Variants in CD200R1L observed in about 807,000 individuals in gnomAD.
CD200R1L encodes the protein cell surface glycoprotein CD200 receptor 2.
A neutral mutation model predicts 24.8 loss-of-function variants in CD200R1L; 14 were observed. That is an observed-to-expected ratio of 0.56 (90% CI 0.37 to 0.88). The LOEUF is 0.88. Among genes scored for constraint, CD200R1L ranks in the 40% least tolerant of loss-of-function variants. CD200R1L has a pLI of 0.00. For synonymous variants in CD200R1L, 111 were observed against 109.2 expected (o/e 1.02, Z -0.11); for missense variants, 299 against 297.8 (o/e 1.00, Z -0.03).
chr3:112,832,904 C>T (rs1405107532), intron 3 of CD200R1L, among the ~76,000 whole-genome samples: 1 of 152,170 alleles, frequency 6.6e-6, no homozygotes, highest in Non-Finnish European at 1.5e-5. Flanking sequence ...TTGCAAAGAC[C>T]ATCATATTGG....
chr3:112,831,511 C>T (rs995610425), intron 3 of CD200R1L, among the ~76,000 whole-genome samples: 4 of 152,144 alleles, frequency 2.6e-5, no homozygotes, highest in Admixed American at 2.0e-4. Flanking sequence ...TCCTAACCCT[C>T]AGAGATGTGA....
intron 2 of CD200R1L, among the ~76,000 whole-genome samples, 153 bp downstream of exon 2, chr3:112,845,526 C>T (rs1269721111): frequency 6.6e-6 from 1 of 152,212 alleles, no homozygotes; most frequent in Non-Finnish European, 1.5e-5. Flanking sequence ...GATAAGGCAA[C>T]TCAGAAGGAG....
intron 6 of CD200R1L, among the ~76,000 whole-genome samples, 164 bp downstream of exon 6, chr3:112,826,829 T>A (rs1938666502): frequency 6.6e-6 from 1 of 152,246 alleles, no homozygotes; most frequent in African/African-American, 2.4e-5. Flanking sequence ...ATGGCTGTTC[T>A]ACTAAAAGAC....
At chr3:112,825,294 G>C (rs968823010) in intron 6 of CD200R1L, among the ~76,000 whole-genome samples, 5 of 150,368 alleles carry the variant, frequency 3.3e-5, no homozygotes, top group Non-Finnish European at 5.9e-5. Flanking sequence ...AGGGAACAGA[G>C]GAATAGAAGC....
chr3:112,816,551 A>G (rs1269549114), intron 7 of CD200R1L, among the ~76,000 whole-genome samples: 2 of 152,184 alleles, frequency 1.3e-5, no homozygotes, highest in Non-Finnish European at 2.9e-5. Flanking sequence ...ATAGACGGAG[A>G]GGTGAAGATT....
At position 112,837,957 on chromosome 3, in the gene CD200R1L, T is replaced by G. The variant is rs1332571530; in HGVS notation, c.-33A>C. ...AGCATTTTACCTTCATTAAGACGTA[T>G]TCTCTAACTTTGTATTTCCAGTTGT... is the stretch of plus-strand genomic sequence containing the variant. On this transcript the variant is annotated 5_prime_UTR_variant, in exon 3 of 8. Coordinates refer to ENST00000488794, the MANE Select transcript of CD200R1L (RefSeq NM_001199215.3). 1 of 1,236,458 alleles carries G rather than the reference T, an allele frequency of 8.1e-7. No individual in the cohort carries two copies. The allele number at this position is 1,236,458 out of a possible 1,614,324, so 76.6% of individuals were successfully genotyped here.
chr3:112,821,123 TCTAAATAC>T (rs1384687144), intron 6 of CD200R1L, among the ~76,000 whole-genome samples: 1 of 150,884 alleles, frequency 6.6e-6, no homozygotes, highest in African/African-American at 2.4e-5. Context: ...ATGTGTGAAC[TCTAAATAC>T]AAGTCTGACT....
At chr3:112,828,435 T>G (rs1938718931) in intron 4 of CD200R1L, among the ~76,000 whole-genome samples, 1 of 152,242 alleles carries the variant, frequency 6.6e-6, no homozygotes, top group African/African-American at 2.4e-5. Flanking sequence ...AAATATTCAT[T>G]TCTAGTTTAA....
chr3:112,825,439 AATT>A (rs1382070908), intron 6 of CD200R1L, among the ~76,000 whole-genome samples: 1 of 148,856 alleles, frequency 6.7e-6, no homozygotes, highest in Non-Finnish European at 1.5e-5. Context: ...AGATATTTAA[AATT>A]AATAATTATA....
At chr3:112,834,282 G>T (rs1425686607) in intron 3 of CD200R1L, among the ~76,000 whole-genome samples, 3 of 147,356 alleles carry the variant, frequency 2.0e-5, no homozygotes, top group Non-Finnish European at 4.5e-5. Flanking sequence ...CTGTTGTCCA[G>T]GCTGTAGTTC....
chr3:112,835,627 C>T (rs1046352553), intron 3 of CD200R1L, among the ~76,000 whole-genome samples: 6 of 152,260 alleles, frequency 3.9e-5, no homozygotes, highest in Admixed American at 6.5e-5. Context: ...CAGGGGCCTG[C>T]ACCTTTCTGC....
intron 7 of CD200R1L, among the ~76,000 whole-genome samples, chr3:112,818,470 A>G (rs973634790): frequency 6.6e-6 from 1 of 152,240 alleles, no homozygotes; most frequent in African/African-American, 2.4e-5. Flanking sequence ...GCTAAAAATG[A>G]CTCAGCCATT....
intron 6 of CD200R1L, among the ~76,000 whole-genome samples, chr3:112,822,471 G>A (rs1011618195): frequency 6.6e-6 from 1 of 152,128 alleles, no homozygotes; most frequent in African/African-American, 2.4e-5. Context: ...TCATACCTAT[G>A]TAATAGAGCC....
At chr3:112,841,418 G>A (rs1939077314) in intron 2 of CD200R1L, 1 of 306,086 alleles carries the variant, frequency 3.3e-6, no homozygotes, top group African/African-American at 2.2e-5. Context: ...TTATAGCAAT[G>A]TGAGAATGAA....
chr3:112,835,335 T>C (rs755105684), intron 3 of CD200R1L, among the ~76,000 whole-genome samples: 3 of 152,076 alleles, frequency 2.0e-5, no homozygotes, highest in Non-Finnish European at 4.4e-5. Context: ...GGTCATCCCA[T>C]TGAGTGTTCA....
At chr3:112,835,354 C>A (rs1938913025) in intron 3 of CD200R1L, among the ~76,000 whole-genome samples, 1 of 152,140 alleles carries the variant, frequency 6.6e-6, no homozygotes, top group African/African-American at 2.4e-5. Context: ...CAGTTCCTAG[C>A]AGAGAGGAAA....
At chr3:112,826,889 C>T in intron 6 of CD200R1L, 104 bp downstream of exon 6, 2 of 1,323,352 alleles carry the variant, frequency 1.5e-6, no homozygotes. Context: ...TATTTTCAAG[C>T]TAGGAGCTCA....
At chr3:112,824,478 A>T (rs1034799702) in intron 6 of CD200R1L, among the ~76,000 whole-genome samples, 1 of 152,176 alleles carries the variant, frequency 6.6e-6, no homozygotes, top group African/African-American at 2.4e-5. Context: ...TAGACTCGAG[A>T]GTCAAAAATT....
intron 6 of CD200R1L, among the ~76,000 whole-genome samples, chr3:112,825,313 C>G (rs1326964863): frequency 2.0e-5 from 3 of 150,074 alleles, no homozygotes; most frequent in African/African-American, 7.3e-5. Flanking sequence ...GCACTTAACA[C>G]TTTTGAAGAG....
Sources: allele counts gnomAD v4.1 joint callset (sites outside exome capture counted in the v4.1 genomes callset), GRCh38; gene constraint gnomAD v4.1.1; transcripts MANE v1.5; gene names NCBI Gene and HGNC (gene_info 2026-07-23, HGNC 2026-07-21).